Variants in MCCC1 observed in about 807,000 individuals in gnomAD.
MCCC1 encodes the protein methylcrotonoyl-CoA carboxylase subunit alpha, mitochondrial.
A neutral mutation model predicts 83.8 loss-of-function variants in MCCC1; 64 were observed. That is an observed-to-expected ratio of 0.76 (90% confidence interval 0.62 to 0.94). MCCC1 has a LOEUF of 0.94. MCCC1 is among the 40% of genes least tolerant of loss of function. The pLI is 0.00. For missense variants in MCCC1, 807 were observed against 904.7 expected, an observed-to-expected ratio of 0.89 and a Z score of 1.39; for synonymous variants, 322 against 315.4, an observed-to-expected ratio of 1.02 and a Z score of -0.22.
At chr3:183,025,185 G>A (rs77233017) in intron 15 of MCCC1, among the ~76,000 whole-genome samples, 21 of 152,266 alleles carry the variant, frequency 1.4e-4, no homozygotes, top group South Asian at 4.1e-4. Flanking sequence ...CAGTGAGTAC[G>A]GAATTTTAGT....
chr3:183,015,920 T>C (rs946370721), intron 18 of MCCC1, among the ~76,000 whole-genome samples: 2 of 151,338 alleles, frequency 1.3e-5, no homozygotes, highest in African/African-American at 2.4e-5. Context: ...TGTTTTTTTT[T>C]TTTTGTTTTT....
In MCCC1 at chr3:183,015,412, T is replaced by G. The variant is rs762321718; in HGVS notation, c.*26A>C. On this transcript the variant is annotated 3_prime_UTR_variant, in exon 19 of 19. Transcript: ENST00000265594. ...TTTTGGTGGAGAGAGAAGACACTAC[T>G]TAACTGGCCATTTCCTTGCTGGAGT... The G allele has an allele frequency of 2.7e-5, 44 of 1,613,782 alleles. No individual in the cohort carries two copies. Among genetic ancestry groups the G allele is most frequent in the Non-Finnish European group, 3.6e-5 (43 of 1,179,884 alleles).
At position 183,086,759 on chromosome 3, in the gene MCCC1, A is replaced by G; in HGVS notation, c.303T>C (p.Ala101=). The change falls in exon 4 of 19, where the codon GCT becomes GCC. Residue 101 remains alanine (A), a synonymous_variant. Transcript: ENST00000265594. ...MADEAYSIGP[A]PSQQSYLSME... ...TAGATAGGTAGCTCTGCTGGGAGGG[A>G]GCGGGGCCGATGGAATATGCTTCAT... 1.2e-6 allele frequency: 2 copies of G among 1,614,100 alleles called. No individual in the cohort carries two copies. Among genetic ancestry groups the G allele is most frequent in the Non-Finnish European group, 1.7e-6 (2 of 1,180,020 alleles).
intron 12 of MCCC1, among the ~76,000 whole-genome samples, chr3:183,037,803 G>C (rs1713751933): frequency 6.6e-6 from 1 of 152,156 alleles, no homozygotes; most frequent in Non-Finnish European, 1.5e-5. Flanking sequence ...TTGCTGCTCA[G>C]AACACTTCCA....
intron 3 of MCCC1, among the ~76,000 whole-genome samples, chr3:183,091,227 T>A (rs111804394): frequency 6.6e-5 from 10 of 152,192 alleles, no homozygotes; most frequent in African/African-American, 2.4e-4. Context: ...CATAATGAAG[T>A]CCAACAGTGG....
chr3:183,020,856 A>T (rs916994205), intron 16 of MCCC1, among the ~76,000 whole-genome samples: 1 of 152,092 alleles, frequency 6.6e-6, no homozygotes, highest in Non-Finnish European at 1.5e-5. Flanking sequence ...TCAGGGGATC[A>T]AAACCATCCT....
intron 4 of MCCC1, among the ~76,000 whole-genome samples, chr3:183,084,211 T>G (rs915433177): frequency 6.6e-6 from 1 of 152,250 alleles, no homozygotes; most frequent in African/African-American, 2.4e-5. Context: ...AGTCTGAATT[T>G]CTAACGAGCT....
chr3:183,095,045 A>G (rs147806928), intron 1 of MCCC1, among the ~76,000 whole-genome samples: 36 of 152,292 alleles, frequency 2.4e-4, no homozygotes, highest in Admixed American at 1.2e-3. Context: ...GCACTTTGGG[A>G]AGCCGAGGCA....
rs918502486 is a variant in MCCC1, at chr3:183,092,307, C to T, written c.273+102G>A. 75 of 1,478,928 alleles carry T rather than the reference C, an allele frequency of 5.1e-5. No homozygotes were observed. In the Middle Eastern group the frequency reaches 7.1e-4, roughly 14 times the overall value. The allele number at this position is 1,478,928 out of a possible 1,614,324, so 91.6% of individuals were successfully genotyped here. A position where few individuals can be genotyped will look rare whatever the true frequency, so the allele number is the denominator to read the frequency against. On this transcript the variant is annotated intron_variant, in intron 3 of 18. Coordinates refer to ENST00000265594, the MANE Select transcript of MCCC1 (RefSeq NM_020166.5). Reference sequence around the variant, plus strand: ...GCAGTTTGAACTTACCTACTTCAACCCTGATAACACTAGCAAATATCAACT... The same window carrying T: ...GCAGTTTGAACTTACCTACTTCAACTCTGATAACACTAGCAAATATCAACT...
intron 14 of MCCC1, among the ~76,000 whole-genome samples, chr3:183,027,421 G>T (rs1362398460): frequency 6.6e-6 from 1 of 152,240 alleles, no homozygotes; most frequent in Non-Finnish European, 1.5e-5. Flanking sequence ...TAAGCCAAAA[G>T]TTAGGCTTCT....
chr3:183,057,484 T>A, intron 7 of MCCC1, 62 bp from the exon 8 acceptor site: 1 of 1,271,034 alleles, frequency 7.9e-7, no homozygotes, highest in Non-Finnish European at 1.1e-6. Context: ...TCACATTCGT[T>A]AAGCTAAACT....
chr3:183,094,743 G>A, intron 1 of MCCC1, 138 bp from the exon 2 acceptor site: 2 of 830,628 alleles, frequency 2.4e-6, no homozygotes, highest in Non-Finnish European at 4.1e-6. Flanking sequence ...TTAGTGGGTA[G>A]AAAACTAATC....
At chr3:183,020,706 C>A (rs915408426) in intron 16 of MCCC1, among the ~76,000 whole-genome samples, 23 of 152,218 alleles carry the variant, frequency 1.5e-4, no homozygotes, top group Middle Eastern at 6.8e-3. Context: ...AATTATTAAA[C>A]CTCTCTCAGC....
At chr3:183,036,536 CCT>C (rs1713606067) in intron 13 of MCCC1, among the ~76,000 whole-genome samples, 1 of 121,364 alleles carries the variant, frequency 8.2e-6, no homozygotes, top group African/African-American at 2.8e-5. Context: ...AGATCCATTT[CCT>C]TTTTTTTTTT....
chr3:183,058,660 A>C (rs1715606832), intron 7 of MCCC1, among the ~76,000 whole-genome samples: 1 of 152,172 alleles, frequency 6.6e-6, no homozygotes, highest in Non-Finnish European at 1.5e-5. Flanking sequence ...CAACAAAGGT[A>C]ATTACATGTT....
intron 8 of MCCC1, among the ~76,000 whole-genome samples, chr3:183,055,248 GAA>G (rs138574888): frequency 0.021 from 2,948 of 142,476 alleles, 95 homozygotes; most frequent in African/African-American, 0.072. Context: ...CTAAAAAATA[GAA>G]AAAAAAAAAA....
chr3:183,104,164 C>T (rs1262199751), upstream of MCCC1, among the ~76,000 whole-genome samples: 3 of 152,236 alleles, frequency 2.0e-5, no homozygotes, highest in African/African-American at 7.2e-5. Context: ...GAGCCAGCTC[C>T]GGCCTTGGCC....
chr3:183,044,734 T>A (rs994695869), intron 10 of MCCC1, among the ~76,000 whole-genome samples: 4 of 152,092 alleles, frequency 2.6e-5, no homozygotes, highest in African/African-American at 9.7e-5. Context: ...TGCCCGGGCC[T>A]AGGGGGAAGT....
Position 183,086,787 on chromosome 3 carries a change from GC to G in MCCC1, c.274del (p.Ala92GlnfsTer59), listed in dbSNP as rs753492386. On this transcript the variant is annotated frameshift_variant and splice_region_variant, in exon 4 of 19. Transcript: ENST00000265594. LOFTEE classifies it high-confidence loss of function. ...ADRNSMHVDM[A>X]DEAYSIGPAP... ...GGGGCCGATGGAATATGCTTCATCTGCCTGTTTAAGAAACATCACATGCTTA... is the reference window on the plus strand; with the variant it reads ...GGGGCCGATGGAATATGCTTCATCTGCTGTTTAAGAAACATCACATGCTTA... 6.2e-7 allele frequency: 1 copy of G among 1,613,618 alleles called. No individual in the cohort carries two copies. Among genetic ancestry groups the G allele is most frequent in the Non-Finnish European group, 8.5e-7 (1 of 1,179,742 alleles).
Sources: gnomAD v4.1 joint callset for allele counts (sites outside exome capture counted in the v4.1 genomes callset) on GRCh38, gnomAD v4.1.1 for gene constraint, MANE v1.5 for transcripts, NCBI Gene and HGNC (gene_info 2026-07-23, HGNC 2026-07-21) for gene names.